The following FAM193A variants were observed in gnomAD, a reference collection of about 807,000 sequenced individuals.
FAM193A encodes family with sequence similarity 193 member A.
A neutral mutation model predicts 126.5 loss-of-function variants in FAM193A; 22 were observed. That is an observed-to-expected ratio of 0.17 (90% CI 0.12 to 0.25). The LOEUF is 0.25. Among genes scored for constraint, FAM193A ranks in the 10% least tolerant of loss-of-function variants. FAM193A has a pLI of 1.00. For missense variants in FAM193A, 1,675 were observed against 1,672.8 expected (o/e 1.00, Z -0.02); for synonymous variants, 761 against 646.8 (o/e 1.18, Z -2.68).
At chr4:2,644,530 C>G (rs1744940902) in intron 6 of FAM193A, among the ~76,000 whole-genome samples, 1 of 152,176 alleles carries the variant, frequency 6.6e-6, no homozygotes, top group Non-Finnish European at 1.5e-5. Flanking sequence ...GGAGTTTTGT[C>G]TCCTGAGGGG....
At chr4:2,580,925 C>G (rs1739884998) in intron 1 of FAM193A, among the ~76,000 whole-genome samples, 1 of 152,160 alleles carries the variant, frequency 6.6e-6, no homozygotes, top group Non-Finnish European at 1.5e-5. Context: ...GTCAGGAGAT[C>G]TAGACCATCC....
At chr4:2,611,183 G>A (rs577460768) in intron 2 of FAM193A, among the ~76,000 whole-genome samples, 7 of 152,272 alleles carry the variant, frequency 4.6e-5, no homozygotes, top group African/African-American at 1.7e-4. Flanking sequence ...GCCAAGTGCT[G>A]GATATTGGCA....
chr4:2,675,998 T>C (rs1036278611), intron 13 of FAM193A, among the ~76,000 whole-genome samples: 2 of 152,236 alleles, frequency 1.3e-5, no homozygotes, highest in Admixed American at 6.5e-5. Context: ...ATAATACTCA[T>C]CATATGGCTG....
chr4:2,658,026 A>G (rs948670728), intron 8 of FAM193A, 146 bp downstream of exon 8: 8 of 647,634 alleles, frequency 1.2e-5, no homozygotes, highest in South Asian at 2.0e-5. Flanking sequence ...ACTGTTCAAG[A>G]TGGTGTTTTT....
chr4:2,646,652 C>T, intron 6 of FAM193A, 33 bp from the exon 7 acceptor site: 1 of 1,564,838 alleles, frequency 6.4e-7, no homozygotes, highest in Non-Finnish European at 8.6e-7. Flanking sequence ...CCTTTGGGTT[C>T]TTTCCTTTGT....
chr4:2,610,246 CAAAA>C (rs746467907), intron 2 of FAM193A, among the ~76,000 whole-genome samples: 40 of 151,742 alleles, frequency 2.6e-4, no homozygotes, highest in African/African-American at 9.7e-4. Flanking sequence ...CAAAACAAAA[CAAAA>C]AAAACTCGCT....
At chr4:2,573,437 C>T (rs1447786220) in intron 1 of FAM193A, among the ~76,000 whole-genome samples, 1 of 151,098 alleles carries the variant, frequency 6.6e-6, no homozygotes, top group Non-Finnish European at 1.5e-5. Context: ...CACTTGAACC[C>T]AGGAGGCGGA....
chr4:2,605,986 AAAAAAAAAAAAAT>A (rs1423162190), intron 2 of FAM193A, among the ~76,000 whole-genome samples: 2 of 145,254 alleles, frequency 1.4e-5, no homozygotes, highest in African/African-American at 5.3e-5. Flanking sequence ...AAAAAAAAAA[AAAAAAAAAAAAAT>A]GGTTTAGTAA....
At position 2,700,021 on chromosome 4, in the gene FAM193A, C is replaced by G. The variant is rs1453169718; in HGVS notation, c.3849C>G (p.His1283Gln). ...ACTCCCCATCCAGGCATATGAACCA[C>G]TCAGAGCCCAGGCCAGGGCTAGGGG... is the stretch of plus-strand genomic sequence containing the variant. Reference protein sequence around the residue: ...SSHSPSRHMNHSEPRPGLGAD... With the variant: ...SSHSPSRHMNQSEPRPGLGAD... Residue 1283 changes from histidine to glutamine, a missense_variant, in exon 19 of 21, where the codon CAC becomes CAG. By Grantham distance (24) the His-to-Gln change is conservative (BLOSUM62 0). Coordinates refer to ENST00000637812, the MANE Select transcript of FAM193A (RefSeq NM_001366318.2). 2 of 1,614,024 alleles carry G rather than the reference C, an allele frequency of 1.2e-6. No homozygotes were observed. The highest frequency in any genetic ancestry group is 4.5e-5 in the East Asian group (2 of 44,862).
intron 20 of FAM193A, among the ~76,000 whole-genome samples, chr4:2,719,618 G>A (rs1284094240): frequency 6.6e-6 from 1 of 151,664 alleles, no homozygotes; most frequent in African/African-American, 2.4e-5. Flanking sequence ...CGTAGCGCAT[G>A]CCTGTAATCC....
At chr4:2,556,518 A>G (rs779136428) in intron 1 of FAM193A, among the ~76,000 whole-genome samples, 1 of 152,100 alleles carries the variant, frequency 6.6e-6, no homozygotes, top group Non-Finnish European at 1.5e-5. Context: ...TACTGTCTTT[A>G]CAAAATAAAA....
intron 1 of FAM193A, among the ~76,000 whole-genome samples, chr4:2,549,443 C>G (rs1360025833): frequency 7.6e-6 from 1 of 131,090 alleles, no homozygotes; most frequent in Non-Finnish European, 1.6e-5. Flanking sequence ...GTCGCCCAGG[C>G]TGGAGTGCAG....
intron 19 of FAM193A, among the ~76,000 whole-genome samples, chr4:2,712,151 G>A (rs1170627289): frequency 6.6e-6 from 1 of 152,078 alleles, no homozygotes; most frequent in South Asian, 2.1e-4. Context: ...GTACTTGATA[G>A]AAGTGTATTT....
At chr4:2,551,576 G>T (rs994453509) in intron 1 of FAM193A, among the ~76,000 whole-genome samples, 30 of 152,188 alleles carry the variant, frequency 2.0e-4, no homozygotes, top group African/African-American at 7.0e-4. Context: ...GTTGTCTGCA[G>T]TATTGCTTTA....
intron 10 of FAM193A, among the ~76,000 whole-genome samples, chr4:2,660,412 TG>T (rs1712292294): frequency 6.6e-6 from 1 of 152,202 alleles, no homozygotes; most frequent in Admixed American, 6.5e-5. Flanking sequence ...GCTTGTTTCA[TG>T]TCTTGCTAAG....
At chr4:2,726,502 G>A (rs1315557334) in intron 20 of FAM193A, among the ~76,000 whole-genome samples, 1 of 152,152 alleles carries the variant, frequency 6.6e-6, no homozygotes, top group African/African-American at 2.4e-5. Flanking sequence ...TTCACAGCAT[G>A]GGATCCGGGT....
At position 2,730,745 on chromosome 4, in the gene FAM193A, T is replaced by C. The variant is rs552554510; in HGVS notation, c.4455-1030T>C. On this transcript the variant is annotated intron_variant, in intron 20 of 20. Transcript: ENST00000637812. ...AAGAAGCTACAAAAAATACAAAAAT[T>C]AGCTGGGTGTTGTGGTATGCACCTG... Among the ~76,000 whole-genome samples the C allele has an allele frequency of 3.3e-5, 5 of 150,092 alleles. No individual in the cohort carries two copies. The South Asian group carries it at 8.4e-4, about 25-fold the overall frequency.
At chr4:2,594,945 C>T (rs1177639537) in intron 1 of FAM193A, among the ~76,000 whole-genome samples, 1 of 148,082 alleles carries the variant, frequency 6.8e-6, no homozygotes, top group Non-Finnish European at 1.5e-5. Context: ...TCTCCTGCGT[C>T]AGCCTCCTGA....
chr4:2,677,751 A>AAAAAAAAAG (rs1457500941), intron 13 of FAM193A, among the ~76,000 whole-genome samples: 1 of 151,956 alleles, frequency 6.6e-6, no homozygotes, highest in Non-Finnish European at 1.5e-5. Flanking sequence ...CAAAAAAAAA[A>AAAAAAAAAG]AAAAAAAGAT....
Sources: gnomAD v4.1 joint callset for allele counts (sites outside exome capture counted in the v4.1 genomes callset) on GRCh38, gnomAD v4.1.1 for gene constraint, MANE v1.5 for transcripts, NCBI Gene and HGNC (gene_info 2026-07-23, HGNC 2026-07-21) for gene names.